ADGRL3: variants seen among roughly 807,000 people sequenced by gnomAD.
ADGRL3 encodes calcium-independent alpha-latrotoxin receptor 3.
In ADGRL3, 62 loss-of-function variants were observed where a neutral mutation model predicts 153.5. That is an observed-to-expected ratio of 0.40 (90% CI 0.33 to 0.50). The LOEUF (loss-of-function observed/expected upper bound fraction) is 0.50, where lower values mean the gene tolerates loss of function less well. Among genes scored for constraint, ADGRL3 ranks in the 20% least tolerant of loss-of-function variants. ADGRL3 has a pLI of 0.47. For synonymous variants in ADGRL3, 710 were observed against 672.5 expected (o/e 1.06, Z -0.86); for missense variants, 1,641 against 1,859.4 (o/e 0.88, Z 2.16).
rs1009180998 is a variant in ADGRL3, at chr4:61,706,422, T to C, written c.584-24200T>C. ...GGGTGGGTGACAGAGTGAGACTCCCTCTCAAAAAAAAAAAAAAAAGGCTGT... is the reference window on the plus strand; with the variant it reads ...GGGTGGGTGACAGAGTGAGACTCCCCCTCAAAAAAAAAAAAAAAAGGCTGT... On this transcript the variant is annotated intron_variant, in intron 6 of 26. Coordinates refer to ENST00000683033, the MANE Select transcript of ADGRL3 (RefSeq NM_001387552.1). Among the ~76,000 whole-genome samples the C allele has an allele frequency of 3.7e-5, 3 of 82,182 alleles. No individual in the cohort carries two copies. The Admixed American group carries it at 4.2e-4, about 12-fold the overall frequency. 53.9% of individuals were successfully genotyped at this position (82,182 alleles called of 152,430 possible). A position where few individuals can be genotyped will look rare whatever the true frequency, so the allele number is the denominator to read the frequency against.
chr4:62,014,846 C>G (rs1488735118), intron 21 of ADGRL3, among the ~76,000 whole-genome samples: 1 of 152,150 alleles, frequency 6.6e-6, no homozygotes, highest in African/African-American at 2.4e-5. Context: ...TCACCATACT[C>G]CAGGTGCTTA....
chr4:61,724,868 A>G (rs2096299888), intron 6 of ADGRL3, among the ~76,000 whole-genome samples: 1 of 152,092 alleles, frequency 6.6e-6, no homozygotes, highest in Non-Finnish European at 1.5e-5. Flanking sequence ...TATTAGGGAG[A>G]CATGAGTTAT....
At chr4:61,210,288 G>A (rs962319422) in intron 1 of ADGRL3, among the ~76,000 whole-genome samples, 3 of 152,114 alleles carry the variant, frequency 2.0e-5, no homozygotes, top group Admixed American at 6.5e-5. Context: ...TGAAAGCCAA[G>A]TAGAAACGAC....
chr4:61,317,584 G>A (rs942607668), intron 1 of ADGRL3, among the ~76,000 whole-genome samples: 3 of 152,094 alleles, frequency 2.0e-5, no homozygotes, highest in Admixed American at 2.0e-4. Flanking sequence ...TTTTCTTTGT[G>A]TATTAGGTTT....
At chr4:62,031,417 C>T in intron 22 of ADGRL3, 25 bp from the exon 23 acceptor site, 1 of 1,546,262 alleles carries the variant, frequency 6.5e-7, no homozygotes, top group South Asian at 1.2e-5. Flanking sequence ...ATTTAATAAC[C>T]CTTAATTTTC....
chr4:61,767,707 C>T (rs1463609348), intron 8 of ADGRL3, among the ~76,000 whole-genome samples: 4 of 152,100 alleles, frequency 2.6e-5, no homozygotes, highest in Non-Finnish European at 5.9e-5. Context: ...GAATCCTGGG[C>T]TGCGGGTGTT....
intron 24 of ADGRL3, among the ~76,000 whole-genome samples, chr4:62,042,410 G>GA (rs201652961): frequency 0.018 from 2,760 of 150,102 alleles, 84 homozygotes; most frequent in African/African-American, 0.064. Flanking sequence ...TATACCTTCA[G>GA]AAAAAAAAAT....
chr4:62,058,387 A>G (rs1164737920), intron 25 of ADGRL3, among the ~76,000 whole-genome samples: 1 of 152,200 alleles, frequency 6.6e-6, no homozygotes, highest in Non-Finnish European at 1.5e-5. Context: ...CTAAAATTAT[A>G]AGACTACTCA....
intron 4 of ADGRL3, among the ~76,000 whole-genome samples, chr4:61,553,849 A>G (rs1436016953): frequency 1.3e-5 from 2 of 152,166 alleles, no homozygotes; most frequent in African/African-American, 2.4e-5. Context: ...TTAGTTTCTC[A>G]AGCACAGAAC....
Position 62,071,947 on chromosome 4 carries a change from G to C in ADGRL3, c.*1039G>C, listed in dbSNP as rs1212231365. On this transcript the variant is annotated 3_prime_UTR_variant, in exon 27 of 27. Transcript: ENST00000683033. ...TTCCAACAGTGTTTTTTGCAAATTAGAGCAGGACAAACTTTTATGTTTACA... is the reference window on the plus strand; with the variant it reads ...TTCCAACAGTGTTTTTTGCAAATTACAGCAGGACAAACTTTTATGTTTACA... 3 of 255,930 alleles carry C rather than the reference G, an allele frequency of 1.2e-5. No homozygotes were observed. The highest frequency in any genetic ancestry group is 2.3e-5 in the Non-Finnish European group (3 of 130,618). 15.9% of individuals were successfully genotyped at this position (255,930 alleles called of 1,614,324 possible).
At chr4:61,998,089 G>A (rs2099128024) in intron 20 of ADGRL3, 85 bp from the exon 21 acceptor site, 1 of 564,830 alleles carries the variant, frequency 1.8e-6, no homozygotes, top group Admixed American at 3.6e-5. Context: ...TAATTTCCCA[G>A]AACAACTCAT....
chr4:62,059,444 G>T (rs1738891864), intron 25 of ADGRL3, among the ~76,000 whole-genome samples: 1 of 152,038 alleles, frequency 6.6e-6, no homozygotes, highest in African/African-American at 2.4e-5. Flanking sequence ...ATTTCAAATG[G>T]TGCATGAGGC....
At chr4:61,641,843 G>A (rs1321178273) in intron 5 of ADGRL3, among the ~76,000 whole-genome samples, 9 of 148,996 alleles carry the variant, frequency 6.0e-5, no homozygotes, top group Admixed American at 6.7e-5. Context: ...CTAGTTCTAG[G>A]TCCCTGAGGA....
intron 2 of ADGRL3, among the ~76,000 whole-genome samples, chr4:61,392,020 C>T (rs1281412273): frequency 1.6e-5 from 2 of 122,874 alleles, no homozygotes; most frequent in Non-Finnish European, 3.5e-5. Context: ...CCACCACGAC[C>T]GGCTAATTTT....
intron 1 of ADGRL3, among the ~76,000 whole-genome samples, chr4:61,345,616 T>C (rs1052430649): frequency 7.9e-5 from 12 of 152,196 alleles, no homozygotes; most frequent in Non-Finnish European, 1.3e-4. Context: ...TATATATTAT[T>C]AACTCATTAA....
chr4:61,218,381 G>C (rs998359271), intron 1 of ADGRL3, among the ~76,000 whole-genome samples: 1 of 152,040 alleles, frequency 6.6e-6, no homozygotes, highest in African/African-American at 2.4e-5. Flanking sequence ...CACGATTATG[G>C]CTCACTGCAG....
At chr4:61,862,451 A>C (rs557387490) in intron 9 of ADGRL3, among the ~76,000 whole-genome samples, 369 of 152,272 alleles carry the variant, frequency 2.4e-3, no homozygotes, top group Non-Finnish European at 3.3e-3. Context: ...GGCATTGTCA[A>C]CTGTAGTTCA....
chr4:61,484,236 G>A (rs1476853338), intron 2 of ADGRL3, among the ~76,000 whole-genome samples: 3 of 152,064 alleles, frequency 2.0e-5, no homozygotes, highest in Non-Finnish European at 2.9e-5. Flanking sequence ...GGAACAAATG[G>A]ATCCATTCCA....
chr4:61,642,606 G>A lies in ADGRL3; in HGVS notation c.474-34220G>A, dbSNP rs575232296. ...AAATATCAGATAGTTGTAGATATGC[G>A]GCGTTATTTCTGAGGGCTCTGTTCT... is the stretch of plus-strand genomic sequence containing the variant. On this transcript the variant is annotated intron_variant, in intron 5 of 26. Coordinates refer to ENST00000683033, the MANE Select transcript of ADGRL3 (RefSeq NM_001387552.1). Among the ~76,000 whole-genome samples the A allele has an allele frequency of 4.6e-5, 7 of 152,124 alleles. No homozygotes were observed. In the East Asian group the frequency reaches 5.8e-4, roughly 13 times the overall value.
Sources: gnomAD v4.1 joint callset for allele counts (sites outside exome capture counted in the v4.1 genomes callset) on GRCh38, gnomAD v4.1.1 for gene constraint, MANE v1.5 for transcripts, NCBI Gene and HGNC (gene_info 2026-07-23, HGNC 2026-07-21) for gene names.